ATF2: variants seen among roughly 807,000 people sequenced by gnomAD.
ATF2 encodes activating transcription factor 2.
In ATF2, 24 loss-of-function variants were observed where a neutral mutation model predicts 60.6. The ratio of observed to expected loss-of-function variants is 0.40; its 90% CI spans 0.29 to 0.56. The LOEUF (loss-of-function observed/expected upper bound fraction) is 0.56, where lower values mean the gene tolerates loss of function less well. Among genes scored for constraint, ATF2 ranks in the 20% least tolerant of loss-of-function variants. The pLI, the probability that ATF2 is intolerant of heterozygous loss-of-function variation, is 0.54. For missense variants in ATF2, 433 were observed against 607.7 expected (o/e 0.71, Z 3.02); for synonymous variants, 206 against 215.4 (o/e 0.96, Z 0.38).
At chr2:175,153,492 A>T (rs569422021) in intron 1 of ATF2, among the ~76,000 whole-genome samples, 3 of 152,196 alleles carry the variant, frequency 2.0e-5, no homozygotes, top group Non-Finnish European at 4.4e-5. Context: ...GTATTTGTGT[A>T]TCTAAACACA....
chr2:175,165,945 T>C (rs1449232201), intron 1 of ATF2, among the ~76,000 whole-genome samples: 3 of 152,200 alleles, frequency 2.0e-5, no homozygotes, highest in African/African-American at 7.2e-5. Context: ...ATTACAGGCA[T>C]GAGCCACCGC....
chr2:175,085,044 A>G (rs574743377), intron 12 of ATF2, among the ~76,000 whole-genome samples: 1 of 152,186 alleles, frequency 6.6e-6, no homozygotes, highest in African/African-American at 2.4e-5. Flanking sequence ...ATACAGCTAC[A>G]CTGTTAATTT....
At position 175,163,918 on chromosome 2, in the gene ATF2, C is replaced by CAA. The variant is rs1176905315; in HGVS notation, c.-143+4130_-143+4131dup. Among the ~76,000 whole-genome samples, 16 of 30,318 alleles carry CAA rather than the reference C, an allele frequency of 5.3e-4. 2 individuals are homozygous for CAA. The highest frequency in any genetic ancestry group is 1.6e-3 in the South Asian group (1 of 628). 19.9% of individuals were successfully genotyped at this position (30,318 alleles called of 152,430 possible). A position where few individuals can be genotyped will look rare whatever the true frequency, so the allele number is the denominator to read the frequency against. ...CCTGGGTGACATAGCAACTCCGTCT[C>CAA]AAAAAAAAAAAAAAGAAAAGTGAAA... On this transcript the variant is annotated intron_variant, in intron 1 of 13. Coordinates refer to ENST00000264110, the MANE Select transcript of ATF2 (RefSeq NM_001880.4).
Position 175,090,910 on chromosome 2 carries a change from A to G in ATF2, c.1185+2151T>C, listed in dbSNP as rs547846952. ...AAAACATGAAATAAATGGAGTCAAG[A>G]TTATATTTATTTTGAATACTTAATT... On this transcript the variant is annotated intron_variant, in intron 12 of 13. Coordinates refer to ENST00000264110, the MANE Select transcript of ATF2 (RefSeq NM_001880.4). 2.0e-5 allele frequency among the ~76,000 whole-genome samples: 3 copies of G among 152,280 alleles called. No homozygotes were observed. In the South Asian group the frequency reaches 6.2e-4, roughly 32 times the overall value.
At chr2:175,133,429 TATATAGC>T (rs1697891299) in intron 3 of ATF2, among the ~76,000 whole-genome samples, 1 of 152,222 alleles carries the variant, frequency 6.6e-6, no homozygotes, top group African/African-American at 2.4e-5. Context: ...CTAGAAATTT[TATATAGC>T]AAGAGTACTT....
chr2:175,150,430 A>G (rs2116987), intron 2 of ATF2, among the ~76,000 whole-genome samples: 2 of 152,022 alleles, frequency 1.3e-5, no homozygotes, highest in African/African-American at 4.8e-5. Flanking sequence ...TACATCCCCA[A>G]ACTGTAAATG....
intron 1 of ATF2, among the ~76,000 whole-genome samples, chr2:175,155,687 C>T (rs1239015449): frequency 3.3e-5 from 5 of 151,910 alleles, no homozygotes; most frequent in Non-Finnish European, 5.9e-5. Flanking sequence ...ACATTGGATT[C>T]AAATAAAATT....
At chr2:175,080,623 C>G (rs780060758) in intron 13 of ATF2, 37 bp downstream of exon 13, 10 of 1,519,312 alleles carry the variant, frequency 6.6e-6, no homozygotes, top group Non-Finnish European at 9.1e-6. Context: ...ATTTCACTGA[C>G]GTAGCCTAAG....
chr2:175,142,830 G>T (rs959589945), intron 2 of ATF2, among the ~76,000 whole-genome samples: 1 of 151,052 alleles, frequency 6.6e-6, no homozygotes, highest in African/African-American at 2.5e-5. Flanking sequence ...GCGAGCAAGA[G>T]AGAGAGTGTG....
At chr2:175,160,202 T>C (rs571963551) in intron 1 of ATF2, among the ~76,000 whole-genome samples, 131 of 152,214 alleles carry the variant, frequency 8.6e-4, no homozygotes, top group African/African-American at 3.0e-3. Context: ...CTGGGTAACA[T>C]AGTGAGACTC....
In ATF2 at chr2:175,114,066, A is replaced by T; in HGVS notation, c.669T>A (p.Asn223Lys). Residue 223 changes from asparagine to lysine, a missense_variant, in exon 9 of 14, where the codon AAT becomes AAA. Physicochemically the swap from Asn to Lys is moderately conservative, Grantham distance 94. Transcript: ENST00000264110. ...GAATAGCAACAGGCATGGTTTGTCC[A>T]TTAGGAAGATGTAACAGAAGAGGAA... ...GPFPLLLHLPNGQTMPVAIPA... is the reference protein window; with the variant it reads ...GPFPLLLHLPKGQTMPVAIPA... 6.2e-7 allele frequency: 1 copy of T among 1,613,270 alleles called. No individual in the cohort carries two copies. Among genetic ancestry groups the T allele is most frequent in the South Asian group, 1.1e-5 (1 of 90,954 alleles).
At chr2:175,116,699 C>A (rs1337574893) in intron 7 of ATF2, among the ~76,000 whole-genome samples, 1 of 150,984 alleles carries the variant, frequency 6.6e-6, no homozygotes, top group Non-Finnish European at 1.5e-5. Context: ...CAAGGAGGGC[C>A]TAATGATTGG....
chr2:175,154,723 T>C (rs1367811468), intron 1 of ATF2, among the ~76,000 whole-genome samples: 1 of 152,226 alleles, frequency 6.6e-6, no homozygotes, highest in Non-Finnish European at 1.5e-5. Context: ...CTACCACATC[T>C]TATATGTGGT....
intron 2 of ATF2, among the ~76,000 whole-genome samples, chr2:175,147,241 T>C (rs1169005766): frequency 6.6e-6 from 1 of 152,210 alleles, no homozygotes; most frequent in Admixed American, 6.5e-5. Context: ...TATTCCCATG[T>C]CATTTTTAAT....
chr2:175,088,787 T>C (rs1401650620), intron 12 of ATF2, among the ~76,000 whole-genome samples: 1 of 152,002 alleles, frequency 6.6e-6, no homozygotes, highest in Admixed American at 6.6e-5. Flanking sequence ...AACTGAAAAT[T>C]AACCCCCATA....
At chr2:175,151,680 C>T (rs1159995801) in intron 1 of ATF2, among the ~76,000 whole-genome samples, 3 of 152,064 alleles carry the variant, frequency 2.0e-5, no homozygotes. Flanking sequence ...TGATAGAAAA[C>T]TCAAAATAAC....
intron 11 of ATF2, among the ~76,000 whole-genome samples, chr2:175,096,199 A>G (rs923179972): frequency 1.3e-5 from 2 of 152,222 alleles, no homozygotes; most frequent in African/African-American, 2.4e-5. Flanking sequence ...ATTCTGAAAC[A>G]TTTAACAGGA....
At chr2:175,147,636 T>C (rs1362683321) in intron 2 of ATF2, among the ~76,000 whole-genome samples, 1 of 152,240 alleles carries the variant, frequency 6.6e-6, no homozygotes, top group Admixed American at 6.5e-5. Context: ...ACCTATTTTG[T>C]ATCTAATACC....
chr2:175,155,058 C>A (rs555627943), intron 1 of ATF2, among the ~76,000 whole-genome samples: 1 of 152,142 alleles, frequency 6.6e-6, no homozygotes, highest in Non-Finnish European at 1.5e-5. Context: ...GGGATACAGA[C>A]AAAGTGGGGT....
Sources: gnomAD v4.1 joint callset for allele counts (sites outside exome capture counted in the v4.1 genomes callset) on GRCh38, gnomAD v4.1.1 for gene constraint, MANE v1.5 for transcripts, NCBI Gene and HGNC (gene_info 2026-07-23, HGNC 2026-07-21) for gene names.